MAST4: variants seen among roughly 807,000 people sequenced by gnomAD.
The protein encoded by MAST4 is microtubule associated serine/threonine kinase family member 4, also known as microtubule-associated serine/threonine-protein kinase 4.
MAST4 carries 89 observed loss-of-function variants against 162.7 expected under a neutral mutation model. That is an observed-to-expected ratio of 0.55 (90% CI 0.46 to 0.65). The LOEUF is 0.65. Ranked by LOEUF, MAST4 falls within the 30% of genes least tolerant of loss-of-function variation. The pLI is 0.00. For missense variants in MAST4, 3,153 were observed against 3,374.0 expected, an observed-to-expected ratio of 0.93 and a Z score of 1.62; for synonymous variants, 1,479 against 1,361.1, an observed-to-expected ratio of 1.09 and a Z score of -1.91.
intron 1 of MAST4, among the ~76,000 whole-genome samples, chr5:66,739,620 A>C (rs1291848912): frequency 6.6e-6 from 1 of 152,190 alleles, no homozygotes; most frequent in East Asian, 1.9e-4. Flanking sequence ...AAGTATAAGT[A>C]GATGTTTATT....
intron 4 of MAST4, among the ~76,000 whole-genome samples, chr5:67,007,162 A>G (rs1752137038): frequency 6.6e-6 from 1 of 152,152 alleles, no homozygotes; most frequent in Non-Finnish European, 1.5e-5. Context: ...ACAGTGATCA[A>G]TTCTGGCTCC....
In MAST4 at chr5:67,165,220, A is replaced by C. The variant is rs766662754; in HGVS notation, c.6041A>C (p.Asn2014Thr). The C allele has an allele frequency of 1.9e-6, 3 of 1,611,560 alleles. No individual in the cohort carries two copies. Among genetic ancestry groups the C allele is most frequent in the Admixed American group, 3.3e-5 (2 of 59,756 alleles). The part of the protein sequence containing the change: ...ETAKTSDNSK[N>T]LLSVGRTHPD... Reference sequence around the variant, plus strand: ...GCGAAAACCAGTGACAACTCCAAAAATCTCCTCTCTGTGGGAAGGACCCAC... The same window carrying C: ...GCGAAAACCAGTGACAACTCCAAAACTCTCCTCTCTGTGGGAAGGACCCAC... The change falls in exon 29 of 29, where the codon AAT (asparagine) becomes ACT (threonine). Residue 2014 changes from asparagine (N) to threonine (T), a missense_variant. Coordinates refer to ENST00000403625, the MANE Select transcript of MAST4 (RefSeq NM_001164664.2).
At chr5:67,156,066 A>G (rs1461046928) in intron 26 of MAST4, among the ~76,000 whole-genome samples, 1 of 151,918 alleles carries the variant, frequency 6.6e-6, no homozygotes, top group Non-Finnish European at 1.5e-5. Context: ...CTCAAGAAAA[A>G]AAAAAAAAAA....
chr5:67,152,886 C>T lies in MAST4; in HGVS notation c.3525+20C>T. 1.9e-6 allele frequency: 3 copies of T among 1,585,688 alleles called. No homozygotes were observed. The highest frequency in any genetic ancestry group is 2.6e-6 in the Non-Finnish European group (3 of 1,156,340). ...GTCTGGGTAAGACCTGCATGTCTCG[C>T]ACTTGGGATTTTTCATTTCCAGCCA... On this transcript the variant is annotated intron_variant, in intron 25 of 28. Coordinates refer to ENST00000403625, the MANE Select transcript of MAST4 (RefSeq NM_001164664.2).
At chr5:66,896,997 C>A (rs1762723272) in intron 3 of MAST4, among the ~76,000 whole-genome samples, 1 of 152,018 alleles carries the variant, frequency 6.6e-6, no homozygotes, top group Non-Finnish European at 1.5e-5. Flanking sequence ...GGGGAGGATA[C>A]AATATCAAGC....
chr5:66,775,300 C>T (rs189912796), intron 2 of MAST4, among the ~76,000 whole-genome samples: 4 of 152,074 alleles, frequency 2.6e-5, no homozygotes, highest in Non-Finnish European at 4.4e-5. Flanking sequence ...ACTACCTTCC[C>T]CCAACTCAGC....
At chr5:66,744,682 A>G (rs972097926) in intron 1 of MAST4, among the ~76,000 whole-genome samples, 5 of 152,158 alleles carry the variant, frequency 3.3e-5, no homozygotes, top group African/African-American at 1.2e-4. Context: ...CTTTTAAAAC[A>G]ACCAGATCTC....
intron 3 of MAST4, among the ~76,000 whole-genome samples, chr5:66,872,589 C>G (rs747934666): frequency 6.6e-6 from 1 of 152,144 alleles, no homozygotes; most frequent in Non-Finnish European, 1.5e-5. Flanking sequence ...CCCTTCCCGC[C>G]GAGCCGCAGA....
intron 4 of MAST4, among the ~76,000 whole-genome samples, chr5:66,958,523 C>A (rs17813310): frequency 0.055 from 8,311 of 152,202 alleles, 334 homozygotes; most frequent in Middle Eastern, 0.11. Flanking sequence ...AATAAAAATC[C>A]AAGTGCCTAT....
At chr5:66,716,318 G>T (rs1472050625) in intron 1 of MAST4, among the ~76,000 whole-genome samples, 1 of 151,776 alleles carries the variant, frequency 6.6e-6, no homozygotes, top group Non-Finnish European at 1.5e-5. Flanking sequence ...AACAATTTTA[G>T]ATTTGATCTC....
chr5:67,005,267 T>G (rs1427769808), intron 4 of MAST4, among the ~76,000 whole-genome samples: 1 of 152,228 alleles, frequency 6.6e-6, no homozygotes, highest in Non-Finnish European at 1.5e-5. Context: ...TGTGGTTTCC[T>G]GGGTAACCCT....
intron 3 of MAST4, among the ~76,000 whole-genome samples, chr5:66,872,296 A>G (rs921198314): frequency 2.6e-5 from 4 of 151,996 alleles, no homozygotes; most frequent in Non-Finnish European, 5.9e-5. Context: ...CAGCCTCCCA[A>G]GTAGCTGGGA....
chr5:67,033,519 C>T (rs1307148674), intron 4 of MAST4, among the ~76,000 whole-genome samples: 1 of 152,070 alleles, frequency 6.6e-6, no homozygotes, highest in African/African-American at 2.4e-5. Flanking sequence ...ACAGAAACTC[C>T]TGGTCAAAGT....
intron 4 of MAST4, among the ~76,000 whole-genome samples, chr5:66,973,772 C>G (rs539355965): frequency 1.3e-3 from 200 of 152,278 alleles, no homozygotes; most frequent in African/African-American, 4.7e-3. Flanking sequence ...ATATTCCCTC[C>G]TTTCTCTCCC....
Position 67,163,354 on chromosome 5 carries a change from C to T in MAST4, c.4175C>T (p.Pro1392Leu), listed in dbSNP as rs368529481. Reference sequence around the variant, plus strand: ...TCTCCAACCCCGCAACCCACCTCCCCGCAGCGGTCACCATCCCCTCTTCTG... The same window carrying T: ...TCTCCAACCCCGCAACCCACCTCCCTGCAGCGGTCACCATCCCCTCTTCTG... The part of the protein sequence containing the change: ...TPSPTPQPTS[P>L]QRSPSPLLGH... Residue 1392 changes from proline to leucine, a missense_variant, in exon 29 of 29, where the codon CCG (proline) becomes CTG (leucine). Transcript: ENST00000403625. This position sits in a 1 kb window ranked among gnomAD's most constrained non-coding sequence, Gnocchi z 7.0. 6 of 1,612,562 alleles carry T rather than the reference C, an allele frequency of 3.7e-6. No individual in the cohort carries two copies. The highest frequency in any genetic ancestry group is 2.2e-5 in the East Asian group (1 of 44,864).
At chr5:66,656,825 G>A (rs757067178) in intron 1 of MAST4, among the ~76,000 whole-genome samples, 20 of 152,130 alleles carry the variant, frequency 1.3e-4, no homozygotes, top group Non-Finnish European at 2.1e-4. Context: ...TAAGTGAAAT[G>A]TTTTTCTTCT....
chr5:66,966,408 A>G (rs1746738853), intron 4 of MAST4, among the ~76,000 whole-genome samples: 1 of 152,262 alleles, frequency 6.6e-6, no homozygotes. Context: ...TGCTGCTAAT[A>G]TACCAACCAC....
intron 1 of MAST4, among the ~76,000 whole-genome samples, chr5:66,607,969 G>T (rs1479253055): frequency 1.3e-5 from 2 of 151,820 alleles, no homozygotes; most frequent in African/African-American, 4.8e-5. Context: ...TATATTTATG[G>T]TGTACAACAC....
chr5:66,850,322 T>C (rs756492477), intron 3 of MAST4, among the ~76,000 whole-genome samples: 14 of 152,240 alleles, frequency 9.2e-5, no homozygotes, highest in Non-Finnish European at 1.9e-4. Flanking sequence ...ACTGAAGTTA[T>C]CAAAATAGTG....
Sources: gnomAD v4.1 joint callset for allele counts (sites outside exome capture counted in the v4.1 genomes callset) on GRCh38, gnomAD v4.1.1 for gene constraint, Gnocchi (gnomAD v3.1) non-coding constraint, MANE v1.5 for transcripts, NCBI Gene and HGNC (gene_info 2026-07-23, HGNC 2026-07-21) for gene names.